The following MYH16 variants were observed in gnomAD, a reference collection of about 807,000 sequenced individuals.
MYH16 encodes myosin heavy chain 16.
intron 28 of MYH16, among the ~76,000 whole-genome samples, chr7:99,287,552 A>AAG (rs2150824839): frequency 6.6e-6 from 1 of 151,682 alleles, no homozygotes; most frequent in African/African-American, 2.4e-5. Flanking sequence ...AAAAAAAAAA[A>AAG]AAAGGCATCA....
At chr7:99,288,112 G>A (rs1172071645) in exon 29 of MYH16, 1 of 456,700 alleles carries the variant, frequency 2.2e-6, no homozygotes, top group Non-Finnish European at 4.4e-6. Flanking sequence ...CTCAATGCCA[G>A]CATGGAGACG....
chr7:99,255,205 G>T (rs1259384312), intron 8 of MYH16, among the ~76,000 whole-genome samples: 6 of 152,148 alleles, frequency 3.9e-5, no homozygotes, highest in Non-Finnish European at 5.9e-5. Context: ...GGAGGCAGAG[G>T]TTGCAGTGGG....
At chr7:99,241,793 T>C (rs1189693392) in intron 1 of MYH16, among the ~76,000 whole-genome samples, 2 of 152,040 alleles carry the variant, frequency 1.3e-5, no homozygotes, top group Non-Finnish European at 2.9e-5. Flanking sequence ...AAAAGGTATT[T>C]GTTTTCTAGA....
intron 10 of MYH16, among the ~76,000 whole-genome samples, chr7:99,257,691 C>G (rs917217259): frequency 6.6e-6 from 1 of 152,110 alleles, no homozygotes; most frequent in African/African-American, 2.4e-5. Context: ...TAGGTGGGAG[C>G]GCAGTGGTGC....
At chr7:99,259,543 C>T (rs1791914007) in intron 11 of MYH16, among the ~76,000 whole-genome samples, 1 of 151,984 alleles carries the variant, frequency 6.6e-6, no homozygotes, top group Non-Finnish European at 1.5e-5. Flanking sequence ...ACTGCAACCT[C>T]CGCCTCCAGG....
intron 1 of MYH16, among the ~76,000 whole-genome samples, chr7:99,241,740 C>T (rs767139423): frequency 6.6e-4 from 100 of 152,264 alleles, no homozygotes; most frequent in South Asian, 1.4e-3. Context: ...TCCCAGAAAT[C>T]CCAGTATGGA....
chr7:99,276,114 C>A (rs990167496), intron 20 of MYH16, among the ~76,000 whole-genome samples: 1 of 152,168 alleles, frequency 6.6e-6, no homozygotes, highest in African/African-American at 2.4e-5. Context: ...GCCAGATAGG[C>A]TGGGTCAATG....
intron 17 of MYH16, among the ~76,000 whole-genome samples, chr7:99,266,519 C>T (rs1791988382): frequency 6.6e-6 from 1 of 152,174 alleles, no homozygotes. Context: ...AAGGGGGCTG[C>T]TCCCAGGTCA....
intron 13 of MYH16, among the ~76,000 whole-genome samples, chr7:99,262,102 G>A (rs1791943414): frequency 6.6e-6 from 1 of 152,214 alleles, no homozygotes; most frequent in African/African-American, 2.4e-5. Context: ...CTTAGTCCTT[G>A]GGAAGTGGGG....
chr7:99,302,317 T>TATATATAC (rs1184408879), intron 38 of MYH16, among the ~76,000 whole-genome samples: 6 of 95,568 alleles, frequency 6.3e-5, no homozygotes, highest in African/African-American at 2.3e-4. Flanking sequence ...AAAAAATATA[T>TATATATAC]ACACACACAC....
chr7:99,260,693 G>C (rs1207027305), intron 12 of MYH16: 3 of 192,038 alleles, frequency 1.6e-5, no homozygotes, highest in Non-Finnish European at 3.2e-5. Context: ...GTGAGTGGCA[G>C]AGTCACGCTC....
In MYH16 at chr7:99,296,036, C is replaced by A. The variant is rs551508885; in HGVS notation, n.4283-665C>A. Among the ~76,000 whole-genome samples the A allele has an allele frequency of 2.0e-5, 3 of 149,368 alleles. No individual in the cohort carries two copies. In the East Asian group the frequency reaches 6.0e-4, roughly 30 times the overall value. The stretch of plus-strand genomic sequence containing the variant: ...GCACGCCTGTGTAATCCCAGCTACT[C>A]AGGAGGCTGAGGCAGGATAATCGCT... On this transcript the variant is annotated intron_variant and non_coding_transcript_variant, in intron 33 of 41. Transcript: ENST00000439784.
intron 5 of MYH16, chr7:99,250,948 C>G (rs1408728036): frequency 6.6e-6 from 1 of 152,638 alleles, no homozygotes; most frequent in Non-Finnish European, 1.5e-5. Context: ...GCCCCTCTGG[C>G]CCTGATTTTC....
chr7:99,249,555 A>G (rs1460880732), intron 4 of MYH16, among the ~76,000 whole-genome samples: 1 of 150,288 alleles, frequency 6.7e-6, no homozygotes, highest in African/African-American at 2.4e-5. Context: ...AAAAAAAAAA[A>G]AGAAAAGAAA....
chr7:99,259,227 A>G (rs917355425), intron 11 of MYH16, among the ~76,000 whole-genome samples: 1 of 152,152 alleles, frequency 6.6e-6, no homozygotes, highest in Non-Finnish European at 1.5e-5. Context: ...AGAAAGAGAC[A>G]AACTGCCCTC....
chr7:99,270,711 A>G (rs549948945), intron 18 of MYH16, among the ~76,000 whole-genome samples: 3 of 151,790 alleles, frequency 2.0e-5, no homozygotes, highest in Admixed American at 1.3e-4. Flanking sequence ...GTGAGACCCT[A>G]TCTCTACAAT....
At chr7:99,291,822 G>A (rs555963692) in intron 31 of MYH16, among the ~76,000 whole-genome samples, 24 of 152,246 alleles carry the variant, frequency 1.6e-4, no homozygotes, top group African/African-American at 5.3e-4. Flanking sequence ...AGCTGGGCAT[G>A]GTGGTGAGTG....
chr7:99,263,136 C>T (rs1791953826), intron 13 of MYH16, among the ~76,000 whole-genome samples: 1 of 152,132 alleles, frequency 6.6e-6, no homozygotes, highest in Non-Finnish European at 1.5e-5. Flanking sequence ...ATGGAGCCTC[C>T]AACTCAGATG....
chr7:99,279,489 C>CGG (rs1792170966), intron 21 of MYH16, 21 bp from the exon 4 acceptor site: 1 of 455,004 alleles, frequency 2.2e-6, no homozygotes, highest in Non-Finnish European at 4.4e-6. Flanking sequence ...TGTCCTCGAC[C>CGG]GGGGCTCTTT....
Sources: allele counts gnomAD v4.1 joint callset (sites outside exome capture counted in the v4.1 genomes callset), GRCh38; gene constraint gnomAD v4.1.1; transcripts MANE v1.5; gene names NCBI Gene and HGNC (gene_info 2026-07-23, HGNC 2026-07-21).